The following BTNL9 variants were observed in gnomAD, a reference collection of about 807,000 sequenced individuals.
The protein encoded by BTNL9 is butyrophilin like 9, also known as butyrophilin-like protein 9.
BTNL9 carries 45 observed loss-of-function variants against 45.8 expected under a neutral mutation model. The ratio of observed to expected loss-of-function variants is 0.98; its 90% CI spans 0.77 to 1.26. The LOEUF (loss-of-function observed/expected upper bound fraction) is 1.26. Ranked by LOEUF, BTNL9 falls within the 50% of genes most tolerant of loss-of-function variation. The pLI, the probability that BTNL9 is intolerant of heterozygous loss-of-function variation, is 0.00. For missense variants in BTNL9, 784 were observed against 729.7 expected (o/e 1.07, Z -0.86); for synonymous variants, 346 against 330.8 (o/e 1.05, Z -0.50).
intron 9 of BTNL9, chr5:181,056,505 G>C (rs150414771): frequency 0.021 from 14,708 of 715,242 alleles, 218 homozygotes; most frequent in Middle Eastern, 0.035. Flanking sequence ...TGCCACTCGT[G>C]TGCATTCAGT....
intron 7 of BTNL9, chr5:181,054,549 AT>A (rs1664133015): frequency 1.0e-6 from 1 of 985,338 alleles, no homozygotes; most frequent in Admixed American, 6.1e-5. Context: ...TTCTTAAAAT[AT>A]CCTTTTCTTT....
chr5:181,048,712 A>AATATAT, intron 3 of BTNL9, among the ~76,000 whole-genome samples: 1 of 132,118 alleles, frequency 7.6e-6, no homozygotes, highest in East Asian at 2.1e-4. Flanking sequence ...TCTGTCTTGA[A>AATATAT]ATATATATAT....
chr5:181,060,138 G>A lies in BTNL9; in HGVS notation c.*276G>A, dbSNP rs1160748057. On this transcript the variant is annotated 3_prime_UTR_variant, in exon 11 of 11. Coordinates refer to ENST00000327705, the MANE Select transcript of BTNL9 (RefSeq NM_152547.5). ...CAGAGCTGGGGTGCTCACGGTGGGCGGTGGGCAAGAAGCCAGCATGGAAGA... is the reference window on the plus strand; with the variant it reads ...CAGAGCTGGGGTGCTCACGGTGGGCAGTGGGCAAGAAGCCAGCATGGAAGA... 2 of 423,938 alleles carry A rather than the reference G, an allele frequency of 4.7e-6. No homozygotes were observed. Among genetic ancestry groups the A allele is most frequent in the Non-Finnish European group, 8.3e-6 (2 of 241,556 alleles). The allele number at this position is 423,938 out of a possible 1,614,324, so 26.3% of individuals were successfully genotyped here. A position where few individuals can be genotyped will look rare whatever the true frequency, so the allele number is the denominator to read the frequency against.
chr5:181,048,228 C>T lies in BTNL9; in HGVS notation c.411C>T (p.Ser137=), dbSNP rs367838912. Residue 137 remains serine, a synonymous_variant, in exon 3 of 11, where the codon TCC becomes TCT. Coordinates refer to ENST00000327705, the MANE Select transcript of BTNL9 (RefSeq NM_152547.5). ...DKGTYGCRFH[S]DNFSGEALWE... ...GCACATATGGCTGCCGCTTCCACTCCGACAACTTCTCTGGCGAAGCTCTCT... is the reference window on the plus strand; with the variant it reads ...GCACATATGGCTGCCGCTTCCACTCTGACAACTTCTCTGGCGAAGCTCTCT... 3.3e-5 allele frequency: 54 copies of T among 1,612,362 alleles called. 1 individual carries two copies. Among genetic ancestry groups the T allele is most frequent in the Middle Eastern group, 1.6e-4 (1 of 6,078 alleles).
chr5:181,058,435 G>A (rs1470366489), intron 10 of BTNL9, 57 bp downstream of exon 10: 1 of 1,611,716 alleles, frequency 6.2e-7, no homozygotes, highest in Non-Finnish European at 8.5e-7. Flanking sequence ...TTAAACAGAA[G>A]GGAGGTGGAG....
In BTNL9 at chr5:181,060,131, G is replaced by C; in HGVS notation, c.*269G>C. On this transcript the variant is annotated 3_prime_UTR_variant, in exon 11 of 11. Coordinates refer to ENST00000327705, the MANE Select transcript of BTNL9 (RefSeq NM_152547.5). ...CGTCGCTCAGAGCTGGGGTGCTCAC[G>C]GTGGGCGGTGGGCAAGAAGCCAGCA... The C allele has an allele frequency of 2.3e-6, 1 of 437,706 alleles. No homozygotes were observed. The highest frequency in any genetic ancestry group is 6.7e-5 in the South Asian group (1 of 14,906). 27.1% of individuals were successfully genotyped at this position (437,706 alleles called of 1,614,324 possible).
At chr5:181,052,699 G>A (rs1005723513) in intron 4 of BTNL9, 6 of 152,162 alleles carry the variant, frequency 3.9e-5, no homozygotes, top group African/African-American at 1.2e-4. Context: ...TGGGGAGCCG[G>A]GAGGGACGTG....
At chr5:181,047,567 A>C in intron 2 of BTNL9, 1 of 919,430 alleles carries the variant, frequency 1.1e-6, no homozygotes, top group Non-Finnish European at 1.3e-6. Context: ...ACTTAAGATA[A>C]TATTCTACAG....
In BTNL9 at chr5:181,058,379, G is replaced by T; in HGVS notation, c.982+1G>T. The T allele has an allele frequency of 6.2e-7, 1 of 1,614,136 alleles. No individual in the cohort carries two copies. Among genetic ancestry groups the T allele is most frequent in the Non-Finnish European group, 8.5e-7 (1 of 1,179,994 alleles). ...TGGAGAGCAGCCCAAAAATATGCAG[G>T]TAACTGAAGCCAGGAAACTGATTTG... On this transcript the variant is annotated splice_donor_variant, in intron 10 of 10. Coordinates refer to ENST00000327705, the MANE Select transcript of BTNL9 (RefSeq NM_152547.5). LOFTEE classifies it high-confidence loss of function.
chr5:181,044,741 G>A (rs1474903010), intron 1 of BTNL9, among the ~76,000 whole-genome samples: 1 of 152,208 alleles, frequency 6.6e-6, no homozygotes, highest in African/African-American at 2.4e-5. Flanking sequence ...GAGTGAGGGG[G>A]TAGCCCTTGT....
At chr5:181,044,337 G>A (rs544236201) in intron 1 of BTNL9, among the ~76,000 whole-genome samples, 10 of 152,266 alleles carry the variant, frequency 6.6e-5, no homozygotes, top group South Asian at 6.2e-4. Flanking sequence ...CCAAGGTCTC[G>A]GAAGAAAAGC....
intron 9 of BTNL9, chr5:181,056,750 C>A (rs1761904508): frequency 6.6e-6 from 4 of 610,388 alleles, no homozygotes; most frequent in Non-Finnish European, 1.2e-5. Flanking sequence ...TGTCGTTATC[C>A]TGCCACCAGC....
rs1198768470 is a variant in BTNL9 at position 181,055,177 on chromosome 5, A to G, written c.908-256A>G. ...CAACCCTGGGAAGAGGCCTGTCAGT[A>G]CTAAGATCTGGTATCCCTTCTAGGC... is the stretch of plus-strand genomic sequence containing the variant. On this transcript the variant is annotated intron_variant, in intron 7 of 10. Transcript: ENST00000327705. This position sits in a 1 kb window ranked among gnomAD's most constrained non-coding sequence, Gnocchi z 4.4. The G allele has an allele frequency of 4.5e-6, 6 of 1,334,910 alleles. No individual in the cohort carries two copies. The highest frequency in any genetic ancestry group is 1.5e-5 in the African/African-American group (1 of 67,020). The allele number at this position is 1,334,910 out of a possible 1,614,324, so 82.7% of individuals were successfully genotyped here. A position where few individuals can be genotyped will look rare whatever the true frequency, so the allele number is the denominator to read the frequency against.
chr5:181,059,929 C>T lies in BTNL9; in HGVS notation c.*67C>T. The T allele has an allele frequency of 1.5e-6, 2 of 1,370,596 alleles. No homozygotes were observed. The highest frequency in any genetic ancestry group is 1.9e-6 in the Non-Finnish European group (2 of 1,032,510). 84.9% of individuals were successfully genotyped at this position (1,370,596 alleles called of 1,614,324 possible). A position where few individuals can be genotyped will look rare whatever the true frequency, so the allele number is the denominator to read the frequency against. Reference sequence around the variant, plus strand: ...GGATCCCAGGCCAGCGCTTTGCTCTCCTGCTCCGTCTGAAGGGAGCAGGTG... The same window carrying T: ...GGATCCCAGGCCAGCGCTTTGCTCTTCTGCTCCGTCTGAAGGGAGCAGGTG... On this transcript the variant is annotated 3_prime_UTR_variant, in exon 11 of 11. Coordinates refer to ENST00000327705, the MANE Select transcript of BTNL9 (RefSeq NM_152547.5).
chr5:181,059,765 C>T lies in BTNL9; in HGVS notation c.1511C>T (p.Pro504Leu), dbSNP rs141905608. 43 of 1,611,368 alleles carry T rather than the reference C, an allele frequency of 2.7e-5. No homozygotes were observed. The highest frequency in any genetic ancestry group is 6.7e-5 in the East Asian group (3 of 44,862). Reference protein sequence around the residue: ...GEHPDPLTICPLPVRGTGVPE... With the variant: ...GEHPDPLTICLLPVRGTGVPE... ...CATCCGGATCCCCTGACCATCTGCC[C>T]GCTGCCGGTTAGAGGGACGGGCGTC... The change falls in exon 11 of 11, where the codon CCG becomes CTG. Residue 504 changes from proline (P) to leucine (L), a missense_variant. Transcript: ENST00000327705.
chr5:181,053,989 G>A lies in BTNL9; in HGVS notation c.887-250G>A. 1 of 1,535,370 alleles carries A rather than the reference G, an allele frequency of 6.5e-7. No homozygotes were observed. ...AATAGATTTGGGAGGCTCCGACCCT[G>A]ATTTTCACACTAGCAGGAGGGAGGG... On this transcript the variant is annotated intron_variant, in intron 6 of 10. Transcript: ENST00000327705. The surrounding 1 kb of genome is among the most constrained non-coding windows in gnomAD (Gnocchi z 6.5).
Position 181,055,148 on chromosome 5 carries a change from A to G in BTNL9, c.908-285A>G, listed in dbSNP as rs1282975345. 3.3e-6 allele frequency: 4 copies of G among 1,230,226 alleles called. No homozygotes were observed. The highest frequency in any genetic ancestry group is 7.5e-5 in the Admixed American group (2 of 26,554). The allele number at this position is 1,230,226 out of a possible 1,614,324, so 76.2% of individuals were successfully genotyped here. A position where few individuals can be genotyped will look rare whatever the true frequency, so the allele number is the denominator to read the frequency against. On this transcript the variant is annotated intron_variant, in intron 7 of 10. Transcript: ENST00000327705. The surrounding 1 kb of genome is among the most constrained non-coding windows in gnomAD (Gnocchi z 4.4). ...CTTGTGATTTCAGGCAGAAGGAACA[A>G]CCCCAACCCTGGGAAGAGGCCTGTC... is the stretch of plus-strand genomic sequence containing the variant.
Position 181,053,392 on chromosome 5 carries a change from C to CA in BTNL9, c.854-76dup. The CA allele has an allele frequency of 6.5e-7, 1 of 1,529,296 alleles. No homozygotes were observed. The highest frequency in any genetic ancestry group is 8.8e-7 in the Non-Finnish European group (1 of 1,136,576). The allele number at this position is 1,529,296 out of a possible 1,614,324, so 94.7% of individuals were successfully genotyped here. A position where few individuals can be genotyped will look rare whatever the true frequency, so the allele number is the denominator to read the frequency against. On this transcript the variant is annotated intron_variant, in intron 5 of 10. Coordinates refer to ENST00000327705, the MANE Select transcript of BTNL9 (RefSeq NM_152547.5). This position sits in a 1 kb window ranked among gnomAD's most constrained non-coding sequence, Gnocchi z 6.5. ...CCGGGGCCGCGGAGGCGCCTCCCCC[C>CA]AGGACGCGGCGCGGGAAGGCGGCCT... is the stretch of plus-strand genomic sequence containing the variant.
At position 181,053,230 on chromosome 5, in the gene BTNL9, A is replaced by G; in HGVS notation, c.767A>G (p.Lys256Arg). The G allele has an allele frequency of 6.3e-7, 1 of 1,589,246 alleles. No homozygotes were observed. The highest frequency in any genetic ancestry group is 8.6e-7 in the Non-Finnish European group (1 of 1,168,714). The change falls in exon 5 of 11, where the codon AAG becomes AGG. Residue 256 changes from lysine to arginine, a missense_variant. Physicochemically the swap from Lys to Arg is conservative, Grantham distance 26. Coordinates refer to ENST00000327705, the MANE Select transcript of BTNL9 (RefSeq NM_152547.5). The surrounding 1 kb of genome is among the most constrained non-coding windows in gnomAD (Gnocchi z 6.5). ...DVFVPGASAW[K>R]SAFVATLPLL... ...TTCGTACCCGGAGCCTCTGCGTGGA[A>G]GAGCGCGTTCGTCGCGACCCTGCCG...
Sources: gnomAD v4.1 joint callset for allele counts (sites outside exome capture counted in the v4.1 genomes callset) on GRCh38, gnomAD v4.1.1 for gene constraint, Gnocchi (gnomAD v3.1) non-coding constraint, MANE v1.5 for transcripts, NCBI Gene and HGNC (gene_info 2026-07-23, HGNC 2026-07-21) for gene names.